CD101: variants seen among roughly 807,000 people sequenced by gnomAD.
CD101 encodes the protein immunoglobulin superfamily member 2.
CD101 carries 76 observed loss-of-function variants against 98.2 expected under a neutral mutation model. The observed-to-expected ratio is 0.77, with a 90% CI of 0.64 to 0.94. The LOEUF (loss-of-function observed/expected upper bound fraction) is 0.94, where lower values mean the gene tolerates loss of function less well. CD101 is among the 40% of genes least tolerant of loss of function. The probability of loss-of-function intolerance (pLI) is 0.00; values close to 1 mark genes in which losing one functional copy is unlikely to be tolerated. For missense variants in CD101, 1,145 were observed against 1,218.8 expected (o/e 0.94, Z 0.90); for synonymous variants, 471 against 472.7 (o/e 1.00, Z 0.05).
intron 4 of CD101, 83 bp downstream of exon 4, chr1:117,013,875 G>A: frequency 7.2e-7 from 1 of 1,381,330 alleles, no homozygotes; most frequent in Non-Finnish European, 9.7e-7. Flanking sequence ...TGGATACAAT[G>A]GGGATCTTCA....
At position 117,019,515 on chromosome 1, in the gene CD101, C is replaced by T. The variant is rs1653441986; in HGVS notation, c.2017+955C>T. Among the ~76,000 whole-genome samples, 1 of 152,066 alleles carries T rather than the reference C, an allele frequency of 6.6e-6. No individual in the cohort carries two copies. The highest frequency in any genetic ancestry group is 1.5e-5 in the Non-Finnish European group (1 of 68,024). ...TTGAAACTTCTTTTTTCCTTGGCAC[C>T]ATGACACAAGATTTTCATTTTCTCC... On this transcript the variant is annotated intron_variant, in intron 6 of 9. Coordinates refer to ENST00000682167, the MANE Select transcript of CD101 (RefSeq NM_001256106.3). This position sits in a 1 kb window ranked among gnomAD's most constrained non-coding sequence, Gnocchi z 4.3.
chr1:117,009,064 C>A (rs1652718115), intron 1 of CD101, among the ~76,000 whole-genome samples: 1 of 152,132 alleles, frequency 6.6e-6, no homozygotes, highest in African/African-American at 2.4e-5. Flanking sequence ...GAAATATTAC[C>A]ATTTAATCAT....
Position 117,010,269 on chromosome 1 carries a change from A to G in CD101, c.424+39A>G. On this transcript the variant is annotated intron_variant, in intron 2 of 9. Transcript: ENST00000682167. This position sits in a 1 kb window ranked among gnomAD's most constrained non-coding sequence, Gnocchi z 5.2. ...CCACTTCTGCTAGCCAGCCCCTGAG[A>G]AGCCAGAGTCTCCACCATGACAATA... is the stretch of plus-strand genomic sequence containing the variant. 3 of 1,572,942 alleles carry G rather than the reference A, an allele frequency of 1.9e-6. No homozygotes were observed. The highest frequency in any genetic ancestry group is 2.6e-6 in the Non-Finnish European group (3 of 1,156,776).
rs1653867551 is a variant in CD101, at chr1:117,025,609, C to T, written c.2529C>T (p.Ala843=). The change falls in exon 8 of 10, where the codon GCC becomes GCT. Residue 843 remains alanine (A), a synonymous_variant. Coordinates refer to ENST00000682167, the MANE Select transcript of CD101 (RefSeq NM_001256106.3). The part of the protein sequence containing the change: ...RCSLESVGSS[A]TLYSVMWYWN... ...GCCTGGAGAGTGTAGGCAGCTCAGC[C>T]ACTCTGTACTCTGTGATGTGGTACT... The T allele has an allele frequency of 6.2e-7, 1 of 1,614,066 alleles. No individual in the cohort carries two copies. Among genetic ancestry groups the T allele is most frequent in the South Asian group, 1.1e-5 (1 of 91,084 alleles).
intron 8 of CD101, among the ~76,000 whole-genome samples, chr1:117,031,449 T>C (rs1051361967): frequency 6.6e-5 from 10 of 152,194 alleles, no homozygotes; most frequent in African/African-American, 2.4e-4. Context: ...AGCCAGGGCC[T>C]CCTAAGTAAT....
Position 117,021,993 on chromosome 1 carries a change from G to A in CD101, c.2428+10G>A, listed in dbSNP as rs1164192559. The A allele has an allele frequency of 6.3e-7, 1 of 1,593,000 alleles. No homozygotes were observed. The highest frequency in any genetic ancestry group is 2.2e-5 in the East Asian group (1 of 44,732). ...AAACTCAAGCCCACAGGTAAACCTTGCGAGTGTATCCTCACAATGTCTGTC... is the reference window on the plus strand; with the variant it reads ...AAACTCAAGCCCACAGGTAAACCTTACGAGTGTATCCTCACAATGTCTGTC... On this transcript the variant is annotated intron_variant, in intron 7 of 9. Transcript: ENST00000682167. This position sits in a 1 kb window ranked among gnomAD's most constrained non-coding sequence, Gnocchi z 4.7.
intron 2 of CD101, 67 bp from the exon 3 acceptor site, chr1:117,011,483 G>A (rs1007662931): frequency 3.2e-5 from 45 of 1,390,176 alleles, no homozygotes; most frequent in East Asian, 3.2e-4. Context: ...AGCTCAGGGC[G>A]CCATCTAAGG....
intron 6 of CD101, among the ~76,000 whole-genome samples, chr1:117,020,361 T>C (rs1432248749): frequency 6.6e-6 from 1 of 152,040 alleles, no homozygotes; most frequent in Admixed American, 6.5e-5. Context: ...CTGGCCAACA[T>C]AGTGAAACCC....
chr1:117,035,998 C>T (rs866988056), intron 9 of CD101, among the ~76,000 whole-genome samples, 170 bp from the exon 10 acceptor site: 1 of 152,184 alleles, frequency 6.6e-6, no homozygotes, highest in Admixed American at 6.5e-5. Context: ...ACTCTTCACC[C>T]CATCCCTCCT....
At position 117,025,831 on chromosome 1, in the gene CD101, T is replaced by C. The variant is rs758433151; in HGVS notation, c.2751T>C (p.His917=). 5 of 1,614,118 alleles carry C rather than the reference T, an allele frequency of 3.1e-6. No individual in the cohort carries two copies. The highest frequency in any genetic ancestry group is 1.7e-4 in the Middle Eastern group (1 of 6,060). The change falls in exon 8 of 10, where the codon CAT becomes CAC. Residue 917 remains histidine, a synonymous_variant. Transcript: ENST00000682167. ...GTAGGGTGGCAGAGTGGCAGCTCCA[T>C]GGACACCCAAGCAAGTGGATTAATC... is the stretch of plus-strand genomic sequence containing the variant. ...YWCRVAEWQL[H]GHPSKWINQA...
rs775936767 is a variant in CD101, at chr1:117,025,527, C to T, written c.2447C>T (p.Ser816Phe). 1.0e-5 allele frequency: 16 copies of T among 1,568,732 alleles called. No homozygotes were observed. The East Asian group carries it at 2.5e-4, about 24-fold the overall frequency. ...LKPTGSKVRV[S>F]KVYWTENVTE... is the part of the protein sequence containing the mutation. The stretch of plus-strand genomic sequence containing the variant: ...TTTCTAGGAAGTAAGGTACGTGTCT[C>T]CAAAGTGTACTGGACCGAAAATGTG... The change falls in exon 8 of 10, where the codon TCC (serine) becomes TTC (phenylalanine). Residue 816 changes from serine (S) to phenylalanine (F), a missense_variant. Coordinates refer to ENST00000682167, the MANE Select transcript of CD101 (RefSeq NM_001256106.3).
chr1:117,017,487 G>A lies in CD101; in HGVS notation c.1612+14G>A. Reference sequence around the variant, plus strand: ...TAAAGTCTCTGGGTAAGTGTCAAAGGAAGTCCTTTTCTGCACCTGTATATC... The same window carrying A: ...TAAAGTCTCTGGGTAAGTGTCAAAGAAAGTCCTTTTCTGCACCTGTATATC... On this transcript the variant is annotated intron_variant, in intron 5 of 9. Transcript: ENST00000682167. The A allele has an allele frequency of 6.3e-7, 1 of 1,594,412 alleles. No homozygotes were observed.
chr1:117,033,106 G>C lies in CD101; in HGVS notation c.2825-754G>C, dbSNP rs1475422893. 6.6e-6 allele frequency: 1 copy of C among 152,458 alleles called. No individual in the cohort carries two copies. Among genetic ancestry groups the C allele is most frequent in the African/African-American group, 2.4e-5 (1 of 41,454 alleles). 9.4% of individuals were successfully genotyped at this position (152,458 alleles called of 1,614,324 possible). A position where few individuals can be genotyped will look rare whatever the true frequency, so the allele number is the denominator to read the frequency against. Reference sequence around the variant, plus strand: ...AGGAGACGAGTAAAAGGGAATTAAAGAGGCCTAAACAAAGGGCTGAGTGAG... The same window carrying C: ...AGGAGACGAGTAAAAGGGAATTAAACAGGCCTAAACAAAGGGCTGAGTGAG... On this transcript the variant is annotated intron_variant, in intron 8 of 9. Transcript: ENST00000682167. This position sits in a 1 kb window ranked among gnomAD's most constrained non-coding sequence, Gnocchi z 4.8.
rs1204156149 is a variant in CD101, at chr1:117,033,522, A to C, written c.2825-338A>C. Among the ~76,000 whole-genome samples, 1 of 152,178 alleles carries C rather than the reference A, an allele frequency of 6.6e-6. No homozygotes were observed. Among genetic ancestry groups the C allele is most frequent in the Non-Finnish European group, 1.5e-5 (1 of 68,034 alleles). On this transcript the variant is annotated intron_variant, in intron 8 of 9. Coordinates refer to ENST00000682167, the MANE Select transcript of CD101 (RefSeq NM_001256106.3). This position sits in a 1 kb window ranked among gnomAD's most constrained non-coding sequence, Gnocchi z 4.8. The stretch of plus-strand genomic sequence containing the variant: ...GCAACACTGTTGAGAACGAGGGTTG[A>C]ATTATAGATATCTTTTCTGAAGAAA...
At chr1:117,025,167 A>C (rs1055365410) in intron 7 of CD101, among the ~76,000 whole-genome samples, 2 of 152,130 alleles carry the variant, frequency 1.3e-5, no homozygotes, top group African/African-American at 4.8e-5. Flanking sequence ...GCTCAAGAGC[A>C]ATCTGGCCAA....
Position 117,018,544 on chromosome 1 carries a change from A to C in CD101, c.2001A>C (p.Ile667=). Residue 667 remains isoleucine (I), a synonymous_variant, in exon 6 of 10, where the codon ATA becomes ATC. Transcript: ENST00000682167. This position sits in a 1 kb window ranked among gnomAD's most constrained non-coding sequence, Gnocchi z 4.3. ...CTGCCATCTCTCACCCACTGAGGATAGCCGTCACTTTACCAGGTAAGTGTG... is the reference window on the plus strand; with the variant it reads ...CTGCCATCTCTCACCCACTGAGGATCGCCGTCACTTTACCAGGTAAGTGTG... ...RASAISHPLR[I]AVTLPESKLK... is the part of the protein sequence containing the mutation. 1 of 1,592,788 alleles carries C rather than the reference A, an allele frequency of 6.3e-7. No homozygotes were observed. Among genetic ancestry groups the C allele is most frequent in the Non-Finnish European group, 8.6e-7 (1 of 1,167,162 alleles).
At chr1:117,016,494 G>A (rs1653226761) in intron 4 of CD101, among the ~76,000 whole-genome samples, 1 of 152,098 alleles carries the variant, frequency 6.6e-6, no homozygotes, top group Non-Finnish European at 1.5e-5. Context: ...ATTACCAGAT[G>A]TTTTGCCAAC....
In CD101 at chr1:117,019,358, G is replaced by A. The variant is rs1455978064; in HGVS notation, c.2017+798G>A. Reference sequence around the variant, plus strand: ...ACACACCAAGATGACGCTCAAACGTGGTCACTGTCATTATTCTCTCTGCTG... The same window carrying A: ...ACACACCAAGATGACGCTCAAACGTAGTCACTGTCATTATTCTCTCTGCTG... On this transcript the variant is annotated intron_variant, in intron 6 of 9. Coordinates refer to ENST00000682167, the MANE Select transcript of CD101 (RefSeq NM_001256106.3). This position sits in a 1 kb window ranked among gnomAD's most constrained non-coding sequence, Gnocchi z 4.3. 6.6e-6 allele frequency among the ~76,000 whole-genome samples: 1 copy of A among 152,058 alleles called. No individual in the cohort carries two copies. Among genetic ancestry groups the A allele is most frequent in the Non-Finnish European group, 1.5e-5 (1 of 68,020 alleles).
chr1:117,022,052 C>G lies in CD101; in HGVS notation c.2428+69C>G, dbSNP rs1019210098. 1 of 1,489,454 alleles carries G rather than the reference C, an allele frequency of 6.7e-7. No homozygotes were observed. 92.3% of individuals were successfully genotyped at this position (1,489,454 alleles called of 1,614,324 possible). A position where few individuals can be genotyped will look rare whatever the true frequency, so the allele number is the denominator to read the frequency against. ...GGCTGTTTTCTCTTGGGCAGCTGTT[C>G]TATGGAGTGATTATGTGGAAGTAAA... On this transcript the variant is annotated intron_variant, in intron 7 of 9. Coordinates refer to ENST00000682167, the MANE Select transcript of CD101 (RefSeq NM_001256106.3). The surrounding 1 kb of genome is among the most constrained non-coding windows in gnomAD (Gnocchi z 4.8).
Sources: allele counts gnomAD v4.1 joint callset (sites outside exome capture counted in the v4.1 genomes callset), GRCh38; gene constraint gnomAD v4.1.1; non-coding constraint Gnocchi (gnomAD v3.1); transcripts MANE v1.5; gene names NCBI Gene and HGNC (gene_info 2026-07-23, HGNC 2026-07-21).